The following ZNF282 variants were observed in gnomAD, a reference collection of about 807,000 sequenced individuals.
ZNF282 encodes zinc finger protein 282, also known as HTLV-I U5 repressive element-binding protein 1.
A neutral mutation model predicts 61.9 loss-of-function variants in ZNF282; 30 were observed. That is an observed-to-expected ratio of 0.48 (90% CI 0.36 to 0.66). ZNF282 has a LOEUF of 0.66. Among genes scored for constraint, ZNF282 ranks in the 30% least tolerant of loss-of-function variants. ZNF282 has a pLI of 0.00. For missense variants in ZNF282, 788 were observed against 941.4 expected (o/e 0.84, Z 2.13); for synonymous variants, 396 against 405.0 (o/e 0.98, Z 0.27).
rs1213097469 is a variant in ZNF282 at position 149,224,615 on chromosome 7, CG to C, written c.1986del (p.Gln663SerfsTer27). On this transcript the variant is annotated frameshift_variant, in exon 8 of 8. Transcript: ENST00000610704. LOFTEE classifies it high-confidence loss of function. ...CGGCGGCCCGGGCCCCGGCGCCCCA[CG>C]GCAGCTCCCGCCGCCTCCTGAGCGA... The part of the protein sequence containing the change: ...HSGGPGPGAP[R>X]QLPPPPERD The C allele has an allele frequency of 6.5e-7, 1 of 1,542,898 alleles. No individual in the cohort carries two copies. Among genetic ancestry groups the C allele is most frequent in the African/African-American group, 1.4e-5 (1 of 73,148 alleles).
chr7:149,222,759 T>A (rs1387003911), intron 7 of ZNF282, among the ~76,000 whole-genome samples: 1 of 152,178 alleles, frequency 6.6e-6, no homozygotes, highest in Non-Finnish European at 1.5e-5. Context: ...GTGATTCTCC[T>A]GCCTCAGCCT....
chr7:149,215,103 C>G (rs1796142047), intron 7 of ZNF282, among the ~76,000 whole-genome samples: 1 of 152,104 alleles, frequency 6.6e-6, no homozygotes, highest in Admixed American at 6.6e-5. Context: ...GTACCATCCC[C>G]TTGCCCTCAA....
intron 4 of ZNF282, among the ~76,000 whole-genome samples, chr7:149,209,896 A>C (rs150342456): frequency 2.0e-5 from 3 of 152,230 alleles, no homozygotes; most frequent in East Asian, 3.8e-4. Flanking sequence ...GTGGCTTTAA[A>C]GTGACATATA....
intron 2 of ZNF282, among the ~76,000 whole-genome samples, chr7:149,205,715 G>A (rs1244248140): frequency 6.6e-6 from 1 of 152,232 alleles, no homozygotes; most frequent in Non-Finnish European, 1.5e-5. Flanking sequence ...ACCATGCTGA[G>A]TAGTGGTAGC....
chr7:149,212,443 CAG>C lies in ZNF282; in HGVS notation c.1042_1043del (p.Asp348TyrfsTer15), dbSNP rs1190111791. 2 of 1,612,750 alleles carry C rather than the reference CAG, an allele frequency of 1.2e-6. No homozygotes were observed. On this transcript the variant is annotated frameshift_variant, in exon 6 of 8. Transcript: ENST00000610704. LOFTEE classifies it high-confidence loss of function. ...TGTGGGATCAGCAGGATTTGGCAGACAGAGATATTCCCACGGATCCCAATTCA... is the reference window on the plus strand; with the variant it reads ...TGTGGGATCAGCAGGATTTGGCAGACAGATATTCCCACGGATCCCAATTCA... Reference protein sequence around the residue: ...CVWDQQDLADRDIPTDPNSES... With the variant: ...CVWDQQDLADXDIPTDPNSES...
In ZNF282 at chr7:149,212,316, C is replaced by T. The variant is rs368038827; in HGVS notation, c.953-42C>T. ...CAAAACACAAACTTGCAGGAGATTT[C>T]GCATCTTCTAACACCTTTGCCGCTC... On this transcript the variant is annotated intron_variant, in intron 5 of 7. Transcript: ENST00000610704. 3.5e-4 allele frequency: 499 copies of T among 1,408,356 alleles called. 1 individual carries two copies. Among genetic ancestry groups the T allele is most frequent in the African/African-American group, 7.5e-4 (52 of 68,958 alleles). 87.2% of individuals were successfully genotyped at this position (1,408,356 alleles called of 1,614,324 possible).
chr7:149,208,354 C>T (rs1241812150), intron 4 of ZNF282, among the ~76,000 whole-genome samples: 1 of 152,096 alleles, frequency 6.6e-6, no homozygotes, highest in Non-Finnish European at 1.5e-5. Flanking sequence ...AGGCATACAC[C>T]ACTGCGCCCA....
At chr7:149,201,980 G>A (rs1585561262) in intron 2 of ZNF282, among the ~76,000 whole-genome samples, 3 of 151,728 alleles carry the variant, frequency 2.0e-5, no homozygotes, top group African/African-American at 4.8e-5. Flanking sequence ...GGCCGTCCTC[G>A]CCACCTCTTC....
chr7:149,223,284 G>T (rs994740787), intron 7 of ZNF282, among the ~76,000 whole-genome samples: 13 of 147,428 alleles, frequency 8.8e-5, no homozygotes, highest in East Asian at 2.0e-4. Context: ...GAAAAGATTT[G>T]TTTTTTTTTT....
At chr7:149,211,996 T>C (rs1391341531) in intron 5 of ZNF282, among the ~76,000 whole-genome samples, 2 of 152,154 alleles carry the variant, frequency 1.3e-5, no homozygotes, top group Non-Finnish European at 2.9e-5. Context: ...TGTCAATATA[T>C]AATTTAAAAA....
chr7:149,203,531 A>T (rs561811968), intron 2 of ZNF282, among the ~76,000 whole-genome samples: 1 of 152,126 alleles, frequency 6.6e-6, no homozygotes, highest in East Asian at 1.9e-4. Flanking sequence ...ATTTATTTTT[A>T]TTCTTTGTAG....
chr7:149,221,706 G>A (rs1005358357), intron 7 of ZNF282, among the ~76,000 whole-genome samples: 13 of 152,116 alleles, frequency 8.5e-5, no homozygotes, highest in African/African-American at 3.1e-4. Flanking sequence ...CCTGGCCAGT[G>A]TCCTGCAGAG....
chr7:149,207,270 T>G, intron 3 of ZNF282, 81 bp from the exon 4 acceptor site: 3 of 1,492,206 alleles, frequency 2.0e-6, no homozygotes, highest in Non-Finnish European at 2.7e-6. Flanking sequence ...GGAGATGGGG[T>G]AGGGGAGAGT....
intron 2 of ZNF282, among the ~76,000 whole-genome samples, chr7:149,204,837 G>A (rs1436819282): frequency 2.0e-5 from 3 of 152,114 alleles, no homozygotes; most frequent in Non-Finnish European, 4.4e-5. Flanking sequence ...GAAGAAAGGG[G>A]GCTGGGCACG....
At chr7:149,207,524 C>T (rs187159568) in intron 4 of ZNF282, 54 bp downstream of exon 4, 108 of 1,548,616 alleles carry the variant, frequency 7.0e-5, no homozygotes, top group Admixed American at 4.9e-4. Flanking sequence ...AGAGGACAGC[C>T]GGCTTTCCGC....
intron 2 of ZNF282, among the ~76,000 whole-genome samples, chr7:149,202,688 T>C (rs912916689): frequency 6.6e-6 from 1 of 151,432 alleles, no homozygotes; most frequent in African/African-American, 2.4e-5. Context: ...TGACCTCAAG[T>C]GATCCATCCG....
In ZNF282 at chr7:149,225,213, G is replaced by T. The variant is rs1057043084; in HGVS notation, c.*566G>T. 20 of 155,636 alleles carry T rather than the reference G, an allele frequency of 1.3e-4. No homozygotes were observed. Among genetic ancestry groups the T allele is most frequent in the African/African-American group, 4.3e-4 (18 of 41,474 alleles). 9.6% of individuals were successfully genotyped at this position (155,636 alleles called of 1,614,324 possible). ...TGGTGACCGAGTAAAGTGAGAGGCA[G>T]GTGAGACGGTTCACCCAATCACACG... On this transcript the variant is annotated 3_prime_UTR_variant, in exon 8 of 8. Coordinates refer to ENST00000610704, the MANE Select transcript of ZNF282 (RefSeq NM_003575.4).
At position 149,215,776 on chromosome 7, in the gene ZNF282, G is replaced by A. The variant is rs73725463; in HGVS notation, c.1180+1962G>A. 1.7e-3 allele frequency among the ~76,000 whole-genome samples: 257 copies of A among 152,264 alleles called. 2 individuals carry two copies. Among genetic ancestry groups the A allele is most frequent in the Middle Eastern group, 6.8e-3 (2 of 294 alleles). On this transcript the variant is annotated intron_variant, in intron 7 of 7. Coordinates refer to ENST00000610704, the MANE Select transcript of ZNF282 (RefSeq NM_003575.4). ...AGCCAGGAAACTGGTGGTGAGCACC[G>A]GAAGAAAGCCAACTCCATCTCTTCC...
intron 7 of ZNF282, among the ~76,000 whole-genome samples, chr7:149,219,671 A>C (rs1796207443): frequency 6.6e-6 from 1 of 151,990 alleles, no homozygotes; most frequent in Non-Finnish European, 1.5e-5. Flanking sequence ...ACATGGAGAG[A>C]CCCTGTCTCT....
Sources: allele counts gnomAD v4.1 joint callset (sites outside exome capture counted in the v4.1 genomes callset), GRCh38; gene constraint gnomAD v4.1.1; transcripts MANE v1.5; gene names NCBI Gene and HGNC (gene_info 2026-07-23, HGNC 2026-07-21).